The following SLC9C1 variants were observed in gnomAD, a reference collection of about 807,000 sequenced individuals.
SLC9C1 encodes solute carrier family 9 member C1.
In SLC9C1, 97 loss-of-function variants were observed where a neutral mutation model predicts 140.9. That is an observed-to-expected ratio of 0.69 (90% CI 0.58 to 0.82). SLC9C1 has a LOEUF of 0.82. Ranked by LOEUF, SLC9C1 falls within the 40% of genes least tolerant of loss-of-function variation. The pLI is 0.00. For missense variants in SLC9C1, 1,340 were observed against 1,389.3 expected (o/e 0.96, Z 0.56); for synonymous variants, 440 against 442.6 (o/e 0.99, Z 0.07).
chr3:112,254,651 T>C (rs9865784), intron 10 of SLC9C1, among the ~76,000 whole-genome samples: 90,002 of 151,940 alleles, frequency 0.59, 27,167 homozygotes, highest in East Asian at 0.79. Context: ...CATAAATACA[T>C]AGACTAGTGA....
At chr3:112,146,420 A>G (rs2107839661) in intron 28 of SLC9C1, among the ~76,000 whole-genome samples, 1 of 152,116 alleles carries the variant, frequency 6.6e-6, no homozygotes, top group African/African-American at 2.4e-5. Flanking sequence ...TTAATTTGAG[A>G]TCTTTCTAAC....
chr3:112,177,211 T>C (rs1576278155), intron 23 of SLC9C1, among the ~76,000 whole-genome samples: 1 of 152,134 alleles, frequency 6.6e-6, no homozygotes, highest in South Asian at 2.1e-4. Context: ...TTCACCATGT[T>C]GGCCAGGCTG....
At chr3:112,235,730 G>A (rs1234831380) in intron 12 of SLC9C1, among the ~76,000 whole-genome samples, 2 of 152,200 alleles carry the variant, frequency 1.3e-5, no homozygotes, top group African/African-American at 2.4e-5. Flanking sequence ...AGGTAATCAT[G>A]TGGTTTTTGC....
intron 1 of SLC9C1, among the ~76,000 whole-genome samples, chr3:112,293,488 T>G (rs1383067586): frequency 6.6e-6 from 1 of 152,106 alleles, no homozygotes; most frequent in Non-Finnish European, 1.5e-5. Context: ...GATTGGAACG[T>G]TTTGCAAGAA....
rs2080287303 is a variant in SLC9C1, at chr3:112,278,874, A to T, written c.190-17T>A. 6.3e-7 allele frequency: 1 copy of T among 1,588,638 alleles called. No individual in the cohort carries two copies. The highest frequency in any genetic ancestry group is 8.5e-7 in the Non-Finnish European group (1 of 1,171,148). ...TCTTTGGACCTAATATTATACAAAT[A>T]TATCATCTTCTCATTTATTCATCAC... On this transcript the variant is annotated splice_polypyrimidine_tract_variant and intron_variant, in intron 3 of 28. Coordinates refer to ENST00000305815, the MANE Select transcript of SLC9C1 (RefSeq NM_183061.3).
rs1349249202 is a variant in SLC9C1 at position 112,262,989 on chromosome 3, T to G, written c.1132A>C (p.Ile378Leu). The G allele has an allele frequency of 6.2e-7, 1 of 1,606,186 alleles. No individual in the cohort carries two copies. The highest frequency in any genetic ancestry group is 8.5e-7 in the Non-Finnish European group (1 of 1,176,926). ...TAGGCAAGCAGAAGGGCCATGTTTA[T>G]ATTAGGCATCCCCTTCATTTCACTA... ...VCSEMKGMPN[I>L]NMALLLAYSD... Residue 378 changes from isoleucine (I) to leucine (L), a missense_variant, in exon 10 of 29, where the codon ATA becomes CTA. By Grantham distance (5) the Ile-to-Leu change is conservative (BLOSUM62 2). Transcript: ENST00000305815.
intron 12 of SLC9C1, among the ~76,000 whole-genome samples, chr3:112,238,408 T>G (rs1576419069): frequency 6.6e-6 from 1 of 152,220 alleles, no homozygotes; most frequent in Non-Finnish European, 1.5e-5. Context: ...TCGAACTTCC[T>G]CCTTTAGCTT....
intron 15 of SLC9C1, among the ~76,000 whole-genome samples, chr3:112,213,612 G>T (rs1250768127): frequency 6.6e-6 from 1 of 152,122 alleles, no homozygotes; most frequent in Non-Finnish European, 1.5e-5. Flanking sequence ...GACAAAGAAG[G>T]CCATTACATA....
At chr3:112,227,283 A>G (rs1001185376) in intron 13 of SLC9C1, among the ~76,000 whole-genome samples, 5 of 152,176 alleles carry the variant, frequency 3.3e-5, no homozygotes, top group African/African-American at 1.2e-4. Context: ...AAACAACACA[A>G]CAAAAAAAGA....
intron 12 of SLC9C1, among the ~76,000 whole-genome samples, chr3:112,238,460 C>T (rs2079051974): frequency 6.6e-6 from 1 of 152,222 alleles, no homozygotes; most frequent in African/African-American, 2.4e-5. Context: ...CTCAACTCGT[C>T]ATATTCATTC....
At chr3:112,174,545 C>G (rs112576953) in intron 23 of SLC9C1, among the ~76,000 whole-genome samples, 2,150 of 152,254 alleles carry the variant, frequency 0.014, 54 homozygotes, top group African/African-American at 0.047. Flanking sequence ...CCTGGGCAAC[C>G]TCTGTGCTAC....
chr3:112,165,033 C>T (rs1466183289), intron 26 of SLC9C1, among the ~76,000 whole-genome samples: 1 of 152,216 alleles, frequency 6.6e-6, no homozygotes, highest in Non-Finnish European at 1.5e-5. Context: ...GATCTTCCAT[C>T]ACTGATATCC....
intron 27 of SLC9C1, among the ~76,000 whole-genome samples, 191 bp from the exon 28 acceptor site, chr3:112,152,154 A>T (rs1439005124): frequency 6.6e-6 from 1 of 152,158 alleles, no homozygotes; most frequent in Non-Finnish European, 1.5e-5. Context: ...GAAGACCCGC[A>T]CCGGCACTGG....
Position 112,269,936 on chromosome 3 carries a change from A to C in SLC9C1, c.755T>G (p.Leu252Arg). The C allele has an allele frequency of 6.4e-7, 1 of 1,561,464 alleles. No homozygotes were observed. Among genetic ancestry groups the C allele is most frequent in the Non-Finnish European group, 8.6e-7 (1 of 1,159,076 alleles). The change falls in exon 7 of 29, where the codon CTG becomes CGG. Residue 252 changes from leucine (L) to arginine (R), a missense_variant. Physicochemically the swap from Leu to Arg is moderately radical, Grantham distance 102 (BLOSUM62 -2). Coordinates refer to ENST00000305815, the MANE Select transcript of SLC9C1 (RefSeq NM_183061.3). ...VNHISLIFSILYLIFYICELV... is the reference protein window; with the variant it reads ...VNHISLIFSIRYLIFYICELV... ...CTTACAAATATAAAAGATGAGATAC[A>C]GAATTGAAAAGATGAGACTTATATG...
Position 112,169,061 on chromosome 3 carries a change from T to C in SLC9C1, c.3053A>G (p.Asp1018Gly). Residue 1018 changes from aspartate to glycine, a missense_variant and splice_region_variant, in exon 25 of 29, where the codon GAT becomes GGT. Transcript: ENST00000305815. ...RKIREHLSYE[D>G]WNYNMQLKLS... is the part of the protein sequence containing the mutation. ...CTTTAGTTGCATATTGTAGTTCCAATCCTGTTTTAGAAAACACAATTTCAG... is the reference window on the plus strand; with the variant it reads ...CTTTAGTTGCATATTGTAGTTCCAACCCTGTTTTAGAAAACACAATTTCAG... 1 of 1,583,970 alleles carries C rather than the reference T, an allele frequency of 6.3e-7. No individual in the cohort carries two copies. The highest frequency in any genetic ancestry group is 1.2e-5 in the South Asian group (1 of 84,556).
intron 10 of SLC9C1, among the ~76,000 whole-genome samples, chr3:112,255,466 C>T (rs780903656): frequency 2.0e-5 from 3 of 152,076 alleles, no homozygotes; most frequent in South Asian, 4.2e-4. Flanking sequence ...AATTAAACAA[C>T]CTGCTTCTTA....
At chr3:112,262,857 C>G in intron 10 of SLC9C1, 67 bp downstream of exon 10, 1 of 1,299,794 alleles carries the variant, frequency 7.7e-7, no homozygotes, top group Non-Finnish European at 9.9e-7. Context: ...TACAAAAAAA[C>G]ATATATTTTA....
chr3:112,227,317 T>C (rs2078708285), intron 13 of SLC9C1, among the ~76,000 whole-genome samples: 1 of 152,162 alleles, frequency 6.6e-6, no homozygotes, highest in Non-Finnish European at 1.5e-5. Context: ...ATATCCCTCA[T>C]GAACACAGAT....
At chr3:112,199,787 G>T (rs1560055970) in intron 19 of SLC9C1, among the ~76,000 whole-genome samples, 1 of 151,924 alleles carries the variant, frequency 6.6e-6, no homozygotes. Context: ...TATATGTCTG[G>T]AGTTCATGAC....
Sources: allele counts gnomAD v4.1 joint callset (sites outside exome capture counted in the v4.1 genomes callset), GRCh38; gene constraint gnomAD v4.1.1; transcripts MANE v1.5; gene names NCBI Gene and HGNC (gene_info 2026-07-23, HGNC 2026-07-21).